JAKMIP2: variants seen among roughly 807,000 people sequenced by gnomAD.
JAKMIP2 encodes janus kinase and microtubule-interacting protein 2.
JAKMIP2 carries 25 observed loss-of-function variants against 115.0 expected under a neutral mutation model. That is an observed-to-expected ratio of 0.22 (90% CI 0.16 to 0.30). JAKMIP2 has a LOEUF of 0.30. Among genes scored for constraint, JAKMIP2 ranks in the 10% least tolerant of loss-of-function variants. The pLI, the probability that JAKMIP2 is intolerant of heterozygous loss-of-function variation, is 1.00. For missense variants in JAKMIP2, 642 were observed against 957.6 expected (o/e 0.67, Z 4.35); for synonymous variants, 334 against 343.6 (o/e 0.97, Z 0.31).
At chr5:147,629,824 G>A in intron 14 of JAKMIP2, 78 bp from the exon 15 acceptor site, 1 of 1,152,556 alleles carries the variant, frequency 8.7e-7, no homozygotes, top group Admixed American at 1.9e-5. Flanking sequence ...TGAAGTTAGA[G>A]GAAGACATTT....
rs373805138 is a variant in JAKMIP2, at chr5:147,620,628, T to C, written c.2142+38A>G. The C allele has an allele frequency of 5.6e-5, 80 of 1,437,434 alleles. 1 individual carries two copies. The highest frequency in any genetic ancestry group is 1.7e-4 in the Middle Eastern group (1 of 5,728). 89.0% of individuals were successfully genotyped at this position (1,437,434 alleles called of 1,614,324 possible). On this transcript the variant is annotated intron_variant, in intron 18 of 21. Coordinates refer to ENST00000616793, the MANE Select transcript of JAKMIP2 (RefSeq NM_001270941.2). ...TACTTAATTCCACAGTGCATAACTGTAAATACTGCGGGTGTCTCTATCACT... is the reference window on the plus strand; with the variant it reads ...TACTTAATTCCACAGTGCATAACTGCAAATACTGCGGGTGTCTCTATCACT...
intron 1 of JAKMIP2, among the ~76,000 whole-genome samples, chr5:147,762,422 C>A (rs561115756): frequency 6.6e-6 from 1 of 152,078 alleles, no homozygotes; most frequent in East Asian, 1.9e-4. Flanking sequence ...GTGGCTTAAG[C>A]GACATAAATT....
At chr5:147,690,782 C>T (rs1028297761) in intron 1 of JAKMIP2, among the ~76,000 whole-genome samples, 5 of 151,906 alleles carry the variant, frequency 3.3e-5, no homozygotes, top group African/African-American at 1.2e-4. Context: ...TGCTTCGTGG[C>T]TATTGCATGA....
In JAKMIP2 at chr5:147,707,875, G is replaced by A. The variant is rs187444010; in HGVS notation, c.-148-35921C>T. Among the ~76,000 whole-genome samples, 33 of 152,212 alleles carry A rather than the reference G, an allele frequency of 2.2e-4. 1 individual carries two copies. The East Asian group carries it at 2.5e-3, about 12-fold the overall frequency. ...ATGATTTGAACCAAATGCTTCCACA[G>A]GACAGAATATAAGTGTTTTGAGGCA... On this transcript the variant is annotated intron_variant, in intron 1 of 21. Transcript: ENST00000616793.
chr5:147,620,557 C>A (rs545733607), intron 18 of JAKMIP2, 109 bp downstream of exon 18: 8 of 615,262 alleles, frequency 1.3e-5, no homozygotes, highest in Non-Finnish European at 2.0e-5. Flanking sequence ...GAATGAACTG[C>A]ATGTCGTGAT....
chr5:147,626,749 G>A (rs993443516), intron 16 of JAKMIP2, among the ~76,000 whole-genome samples: 66 of 152,302 alleles, frequency 4.3e-4, no homozygotes, highest in African/African-American at 1.5e-3. Context: ...CTCAGTAAAT[G>A]TGAGACACAC....
At chr5:147,694,398 G>T (rs1441511610) in intron 1 of JAKMIP2, among the ~76,000 whole-genome samples, 1 of 152,068 alleles carries the variant, frequency 6.6e-6, no homozygotes, top group African/African-American at 2.4e-5. Context: ...ACTCCTTGAT[G>T]GGCTGTCTAC....
intron 1 of JAKMIP2, among the ~76,000 whole-genome samples, chr5:147,729,773 CAAA>C (rs368040956): frequency 2.4e-5 from 2 of 83,954 alleles, no homozygotes; most frequent in Admixed American, 1.4e-4. Flanking sequence ...GACTCTGTCT[CAAA>C]AAAAAAAAAA....
intron 2 of JAKMIP2, among the ~76,000 whole-genome samples, chr5:147,662,966 ACAG>A (rs966759826): frequency 1.3e-5 from 2 of 151,898 alleles, no homozygotes; most frequent in Non-Finnish European, 2.9e-5. Context: ...AGCCTGGGAG[ACAG>A]AGTGAGATTC....
At chr5:147,727,828 GT>G (rs1035583953) in intron 1 of JAKMIP2, among the ~76,000 whole-genome samples, 3 of 148,800 alleles carry the variant, frequency 2.0e-5, no homozygotes, top group Non-Finnish European at 2.9e-5. Flanking sequence ...TGGAAAAAAG[GT>G]TTTTTTCTTT....
At chr5:147,779,557 C>A (rs1304773955) in intron 1 of JAKMIP2, among the ~76,000 whole-genome samples, 1 of 151,930 alleles carries the variant, frequency 6.6e-6, no homozygotes, top group Non-Finnish European at 1.5e-5. Context: ...CTCCATAAAG[C>A]TGCTGAGAAA....
rs202229363 is a variant in JAKMIP2 at position 147,735,112 on chromosome 5, T to G, written c.-149+47344A>C. 2.0e-5 allele frequency among the ~76,000 whole-genome samples: 3 copies of G among 152,256 alleles called. No individual in the cohort carries two copies. The East Asian group carries it at 5.8e-4, about 29-fold the overall frequency. ...TCTCTGCTACTGAGGTGTCTCTATT[T>G]CTATTTGTTTCTCTCCTGCCAGACT... is the stretch of plus-strand genomic sequence containing the variant. On this transcript the variant is annotated intron_variant, in intron 1 of 21. Transcript: ENST00000616793.
chr5:147,747,359 G>A (rs753961595), intron 1 of JAKMIP2, among the ~76,000 whole-genome samples: 1 of 152,146 alleles, frequency 6.6e-6, no homozygotes, highest in Non-Finnish European at 1.5e-5. Flanking sequence ...CAGCAAGAGT[G>A]TCTGTTCTGA....
chr5:147,718,090 A>C (rs1392094608), intron 1 of JAKMIP2, among the ~76,000 whole-genome samples: 1 of 142,862 alleles, frequency 7.0e-6, no homozygotes, highest in Non-Finnish European at 1.5e-5. Flanking sequence ...CCTTTTCTGC[A>C]TCTATTGAGA....
chr5:147,702,672 A>G lies in JAKMIP2; in HGVS notation c.-148-30718T>C, dbSNP rs200330820. On this transcript the variant is annotated intron_variant, in intron 1 of 21. Transcript: ENST00000616793. ...AGAAAGAAAGAAAGAAAGAGAGAGA[A>G]AGAAAGAGAAAGAAAGAAAAGAAAA... is the stretch of plus-strand genomic sequence containing the variant. Among the ~76,000 whole-genome samples, 227 of 123,138 alleles carry G rather than the reference A, an allele frequency of 1.8e-3. 6 individuals carry two copies. The East Asian group carries it at 0.024, about 13-fold the overall frequency. 80.8% of individuals were successfully genotyped at this position (123,138 alleles called of 152,430 possible).
intron 1 of JAKMIP2, among the ~76,000 whole-genome samples, chr5:147,757,703 CA>C (rs1754796585): frequency 6.6e-6 from 1 of 152,068 alleles, no homozygotes. Flanking sequence ...ACATTTAGCA[CA>C]GTATCAGACA....
intron 1 of JAKMIP2, among the ~76,000 whole-genome samples, chr5:147,689,328 G>A (rs1323346576): frequency 6.6e-6 from 1 of 152,182 alleles, no homozygotes; most frequent in East Asian, 1.9e-4. Context: ...GGAAGCCACA[G>A]GAGGAGTTGA....
At chr5:147,702,666 G>A (rs188069018) in intron 1 of JAKMIP2, among the ~76,000 whole-genome samples, 7,119 of 96,406 alleles carry the variant, frequency 0.074, 411 homozygotes, top group East Asian at 0.25. Context: ...GAAAGAAAGA[G>A]AGAGAAAGAA....
chr5:147,595,620 A>G (rs1251686555), intron 21 of JAKMIP2: 1 of 441,400 alleles, frequency 2.3e-6, no homozygotes, highest in African/African-American at 2.0e-5. Flanking sequence ...ACTAAGACAG[A>G]GAGTTATAAT....
Sources: gnomAD v4.1 joint callset for allele counts (sites outside exome capture counted in the v4.1 genomes callset) on GRCh38, gnomAD v4.1.1 for gene constraint, MANE v1.5 for transcripts, NCBI Gene and HGNC (gene_info 2026-07-23, HGNC 2026-07-21) for gene names.